The following DENND4C variants were observed in gnomAD, a reference collection of about 807,000 sequenced individuals.
DENND4C encodes DENN domain-containing protein 4C.
Under a neutral mutation model 203.0 loss-of-function variants are expected in DENND4C, and 108 were observed. The observed-to-expected ratio is 0.53, with a 90% CI of 0.46 to 0.62. DENND4C has a LOEUF of 0.62. Among genes scored for constraint, DENND4C ranks in the 20% least tolerant of loss-of-function variants. The pLI is 0.00. For synonymous variants in DENND4C, 871 were observed against 792.4 expected (o/e 1.10, Z -1.67); for missense variants, 2,481 against 2,301.2 (o/e 1.08, Z -1.60).
intron 27 of DENND4C, chr9:19,357,725 A>G: frequency 2.7e-6 from 1 of 366,966 alleles, no homozygotes; most frequent in East Asian, 4.2e-5. Context: ...TTTTAAAATA[A>G]TACCTGTATA....
At chr9:19,340,855 G>C in intron 20 of DENND4C, 137 bp from the exon 21 acceptor site, 1 of 647,110 alleles carries the variant, frequency 1.5e-6, no homozygotes, top group Non-Finnish European at 2.3e-6. Flanking sequence ...AAAATGTTCT[G>C]TGTTCCTTGT....
At chr9:19,320,942 G>A (rs1842779493) in intron 12 of DENND4C, among the ~76,000 whole-genome samples, 1 of 152,082 alleles carries the variant, frequency 6.6e-6, no homozygotes, top group Non-Finnish European at 1.5e-5. Context: ...TATCTAAAAG[G>A]GATGGCAGTC....
At chr9:19,308,228 T>G (rs1840065520) in intron 10 of DENND4C, among the ~76,000 whole-genome samples, 1 of 152,176 alleles carries the variant, frequency 6.6e-6, no homozygotes, top group Non-Finnish European at 1.5e-5. Context: ...TAATGTTGCT[T>G]GGTAGGGAAT....
At chr9:19,362,211 T>C (rs889239720) in intron 30 of DENND4C, among the ~76,000 whole-genome samples, 33 of 151,936 alleles carry the variant, frequency 2.2e-4, no homozygotes, top group African/African-American at 6.5e-4. Context: ...GCAGCAAAGG[T>C]TGCAATGAGC....
intron 23 of DENND4C, among the ~76,000 whole-genome samples, chr9:19,350,092 C>T (rs1433556454): frequency 6.6e-6 from 1 of 152,076 alleles, no homozygotes; most frequent in Non-Finnish European, 1.5e-5. Context: ...GAAATGTTTT[C>T]TACCTAAAGC....
intron 1 of DENND4C, among the ~76,000 whole-genome samples, chr9:19,264,464 G>A (rs761302683): frequency 2.6e-5 from 4 of 152,010 alleles, no homozygotes; most frequent in Non-Finnish European, 5.9e-5. Context: ...CTGCCACCAT[G>A]CCTGGCTAAT....
At chr9:19,286,557 A>G (rs1475288319) in intron 2 of DENND4C, among the ~76,000 whole-genome samples, 2 of 152,304 alleles carry the variant, frequency 1.3e-5, no homozygotes, top group African/African-American at 4.8e-5. Context: ...TGGCTTTTGA[A>G]AAATAGTTTA....
At chr9:19,336,543 T>G in intron 19 of DENND4C, 129 bp downstream of exon 19, 1 of 1,433,202 alleles carries the variant, frequency 7.0e-7, no homozygotes, top group Non-Finnish European at 9.2e-7. Context: ...AAAGACAGAT[T>G]GTCTTAGTCC....
At chr9:19,275,861 C>T (rs535499065) in intron 1 of DENND4C, among the ~76,000 whole-genome samples, 1 of 152,130 alleles carries the variant, frequency 6.6e-6, no homozygotes, top group East Asian at 1.9e-4. Context: ...CTTGCCTTGG[C>T]CCCCCAAAGT....
intron 1 of DENND4C, among the ~76,000 whole-genome samples, chr9:19,241,662 C>T (rs1459147764): frequency 1.3e-5 from 2 of 152,058 alleles, no homozygotes; most frequent in Non-Finnish European, 1.5e-5. Context: ...AGGGGCAATA[C>T]TCACGTGGAT....
At chr9:19,356,901 C>A in intron 26 of DENND4C, 71 bp from the exon 27 acceptor site, 1 of 1,400,730 alleles carries the variant, frequency 7.1e-7, no homozygotes, top group South Asian at 1.3e-5. Flanking sequence ...TAAAATGATT[C>A]TAAATATGAT....
Position 19,264,586 on chromosome 9 carries a change from C to T in DENND4C, c.-17-11572C>T, listed in dbSNP as rs574109522. 3.9e-5 allele frequency among the ~76,000 whole-genome samples: 6 copies of T among 151,988 alleles called. No individual in the cohort carries two copies. In the East Asian group the frequency reaches 7.8e-4, roughly 20 times the overall value. ...CCTCTCAAAGTGCTGGGATTACAGG[C>T]GTTAGCCACCATGCCTGGCCAGTAG... On this transcript the variant is annotated intron_variant, in intron 1 of 32. Coordinates refer to ENST00000434457, the MANE Select transcript of DENND4C (RefSeq NM_001330640.2).
chr9:19,367,543 C>G (rs1450822931), intron 30 of DENND4C, among the ~76,000 whole-genome samples: 3 of 152,228 alleles, frequency 2.0e-5, no homozygotes, highest in African/African-American at 7.2e-5. Context: ...CGAGACCAAC[C>G]TGGCCAACAT....
At chr9:19,268,384 G>C (rs1408161944) in intron 1 of DENND4C, among the ~76,000 whole-genome samples, 1 of 152,140 alleles carries the variant, frequency 6.6e-6, no homozygotes, top group Non-Finnish European at 1.5e-5. Context: ...ACAGGCGTGA[G>C]CCACCGCACC....
At position 19,290,707 on chromosome 9, in the gene DENND4C, T is replaced by G; in HGVS notation, c.632T>G (p.Leu211Ter). The G allele has an allele frequency of 7.0e-7, 1 of 1,437,154 alleles. No individual in the cohort carries two copies. Among genetic ancestry groups the G allele is most frequent in the African/African-American group, 1.4e-5 (1 of 70,470 alleles). 89.0% of individuals were successfully genotyped at this position (1,437,154 alleles called of 1,614,324 possible). ...TTGTTGTCTCATTCTTCAAAAGGTT[T>G]AATTTTTAGATATCCAGAAGAGGAC... ...ASNAIAYKAG[L>*]IFRYPEEDYE... The change falls in exon 5 of 33, where the codon TTA becomes TGA. Residue 211 changes from leucine (L) to a stop codon, truncating the protein, a stop_gained. Transcript: ENST00000434457. LOFTEE classifies it high-confidence loss of function.
chr9:19,320,201 TC>T (rs1162020321), intron 12 of DENND4C, among the ~76,000 whole-genome samples: 1 of 151,840 alleles, frequency 6.6e-6, no homozygotes, highest in Non-Finnish European at 1.5e-5. Context: ...TTCACAAACA[TC>T]TTTTTTTTTT....
chr9:19,319,824 GT>G (rs1368677528), intron 12 of DENND4C, among the ~76,000 whole-genome samples: 1 of 152,116 alleles, frequency 6.6e-6, no homozygotes, highest in East Asian at 1.9e-4. Context: ...GAGAGTGCTA[GT>G]TAGGTCAGAG....
In DENND4C at chr9:19,352,500, C is replaced by T; in HGVS notation, c.4616C>T (p.Ser1539Phe). The T allele has an allele frequency of 1.3e-6, 2 of 1,579,806 alleles. No homozygotes were observed. The highest frequency in any genetic ancestry group is 1.7e-6 in the Non-Finnish European group (2 of 1,163,594). Reference protein sequence around the residue: ...YQNCAMEVLMSSCSQCRACGA... With the variant: ...YQNCAMEVLMFSCSQCRACGA... The stretch of plus-strand genomic sequence containing the variant: ...TTTTTCTGTTTTTAGGTTTTGATGT[C>T]CAGTTGTTCACAGTGTAGAGCTTGT... The change falls in exon 26 of 33, where the codon TCC (serine) becomes TTC (phenylalanine). Residue 1539 changes from serine to phenylalanine, a missense_variant. By Grantham distance (155) the Ser-to-Phe change is radical. Transcript: ENST00000434457.
At chr9:19,326,318 T>G in intron 15 of DENND4C, 124 bp downstream of exon 15, 1 of 971,344 alleles carries the variant, frequency 1.0e-6, no homozygotes, top group Non-Finnish European at 1.4e-6. Context: ...TGAACTAATG[T>G]AGATAAATAT....
Sources: allele counts gnomAD v4.1 joint callset (sites outside exome capture counted in the v4.1 genomes callset), GRCh38; gene constraint gnomAD v4.1.1; transcripts MANE v1.5; gene names NCBI Gene and HGNC (gene_info 2026-07-23, HGNC 2026-07-21).